Variants in VPS13A observed in about 807,000 individuals in gnomAD.
The protein encoded by VPS13A is vacuolar protein sorting 13 homolog A.
Under a neutral mutation model 390.9 loss-of-function variants are expected in VPS13A, and 264 were observed. That is an observed-to-expected ratio of 0.68 (90% confidence interval 0.61 to 0.75). The LOEUF (loss-of-function observed/expected upper bound fraction) is 0.75. Ranked by LOEUF, VPS13A falls within the 30% of genes least tolerant of loss-of-function variation. The pLI is 0.00. For missense variants in VPS13A, 3,409 were observed against 3,733.9 expected (o/e 0.91, Z 2.27); for synonymous variants, 1,231 against 1,227.1 (o/e 1.00, Z -0.07).
In VPS13A at chr9:77,205,312, G is replaced by T; in HGVS notation, c.188-1G>T. On this transcript the variant is annotated splice_acceptor_variant, in intron 3 of 71. Transcript: ENST00000360280. LOFTEE classifies it high-confidence loss of function. ...TTTTTTTTTTTCCCAAAAAAATGTA[G>T]GTAATCTTAAACTTATAATTCCATG... 2.0e-6 allele frequency: 3 copies of T among 1,467,952 alleles called. No homozygotes were observed. The highest frequency in any genetic ancestry group is 1.8e-6 in the Non-Finnish European group (2 of 1,087,902). The allele number at this position is 1,467,952 out of a possible 1,614,324, so 90.9% of individuals were successfully genotyped here. A position where few individuals can be genotyped will look rare whatever the true frequency, so the allele number is the denominator to read the frequency against.
At chr9:77,226,304 T>C (rs368037493) in intron 14 of VPS13A, among the ~76,000 whole-genome samples, 162 bp from the exon 15 acceptor site, 1 of 152,318 alleles carries the variant, frequency 6.6e-6, no homozygotes, top group African/African-American at 2.4e-5. Context: ...TAAATTCTTA[T>C]GTTCGACTAA....
chr9:77,271,339 T>G (rs1195891740), intron 23 of VPS13A, among the ~76,000 whole-genome samples: 2 of 152,174 alleles, frequency 1.3e-5, no homozygotes, highest in African/African-American at 4.8e-5. Flanking sequence ...GATTTAAAAC[T>G]CTCATATGTT....
At chr9:77,354,955 A>G (rs1831686643) in intron 54 of VPS13A, among the ~76,000 whole-genome samples, 1 of 152,108 alleles carries the variant, frequency 6.6e-6, no homozygotes, top group Admixed American at 6.6e-5. Flanking sequence ...TACCTACTTG[A>G]GGACATTGTT....
At chr9:77,226,875 G>T (rs11145345) in intron 15 of VPS13A, among the ~76,000 whole-genome samples, 1 of 152,080 alleles carries the variant, frequency 6.6e-6, no homozygotes, top group African/African-American at 2.4e-5. Flanking sequence ...ATTCCAAAGT[G>T]TTCTCCATTG....
chr9:77,319,805 T>G, intron 42 of VPS13A, 132 bp downstream of exon 42: 1 of 530,062 alleles, frequency 1.9e-6, no homozygotes, highest in Non-Finnish European at 3.3e-6. Context: ...TACCACCTAC[T>G]TCTGCACATG....
intron 68 of VPS13A, among the ~76,000 whole-genome samples, chr9:77,399,735 T>C (rs763065317): frequency 3.9e-5 from 6 of 152,204 alleles, no homozygotes; most frequent in Non-Finnish European, 8.8e-5. Context: ...AAAGCTTAAC[T>C]TCTGCCTCCA....
chr9:77,345,851 G>A (rs1379447972), intron 52 of VPS13A, among the ~76,000 whole-genome samples: 1 of 152,024 alleles, frequency 6.6e-6, no homozygotes, highest in East Asian at 1.9e-4. Context: ...GGGACCACAG[G>A]GCTGGACTAG....
At chr9:77,412,613 C>G (rs180790708) in intron 71 of VPS13A, among the ~76,000 whole-genome samples, 448 of 152,198 alleles carry the variant, frequency 2.9e-3, no homozygotes, top group African/African-American at 9.9e-3. Flanking sequence ...ATAATAAGAG[C>G]TATCTATGAC....
At chr9:77,390,029 C>T in intron 68 of VPS13A, 1 of 978,218 alleles carries the variant, frequency 1.0e-6, no homozygotes, top group Non-Finnish European at 1.2e-6. Flanking sequence ...CCGACGTGGT[C>T]TTTCCCTTTA....
At chr9:77,414,625 A>T (rs1219068288) in intron 71 of VPS13A, among the ~76,000 whole-genome samples, 1 of 151,988 alleles carries the variant, frequency 6.6e-6, no homozygotes, top group Non-Finnish European at 1.5e-5. Context: ...GCATTAGGAG[A>T]TATACCTAAT....
At chr9:77,266,125 G>T (rs1294349396) in intron 23 of VPS13A, among the ~76,000 whole-genome samples, 1 of 152,146 alleles carries the variant, frequency 6.6e-6, no homozygotes. Flanking sequence ...TTAATCCTGA[G>T]TTCTAACTGG....
At position 77,206,922 on chromosome 9, in the gene VPS13A, AT is replaced by A. The variant is rs750288219; in HGVS notation, c.385+844del. On this transcript the variant is annotated intron_variant, in intron 5 of 71. Transcript: ENST00000360280. The stretch of plus-strand genomic sequence containing the variant: ...TGGCAAACATTAATAGAGATTTAAC[AT>A]GTAATTCTTGGCAATATCTCTTGTA... Among the ~76,000 whole-genome samples, 13 of 152,094 alleles carry A rather than the reference AT, an allele frequency of 8.5e-5. No individual in the cohort carries two copies. In the East Asian group the frequency reaches 1.7e-3, roughly 20 times the overall value.
At chr9:77,340,697 C>A in intron 50 of VPS13A, 147 bp downstream of exon 50, 1 of 974,630 alleles carries the variant, frequency 1.0e-6, no homozygotes, top group Non-Finnish European at 1.5e-6. Flanking sequence ...TATTTGTGCC[C>A]TGCTCTAGAT....
chr9:77,291,929 A>G (rs774611112), intron 31 of VPS13A, among the ~76,000 whole-genome samples: 28 of 152,036 alleles, frequency 1.8e-4, no homozygotes, highest in Non-Finnish European at 3.8e-4. Context: ...GCAGAGGGAG[A>G]CCTCTAATCA....
At chr9:77,309,909 A>G (rs192842528) in intron 35 of VPS13A, among the ~76,000 whole-genome samples, 2 of 151,936 alleles carry the variant, frequency 1.3e-5, no homozygotes, top group East Asian at 1.9e-4. Flanking sequence ...AGGGACTTAG[A>G]AAAAAAATGA....
At chr9:77,407,410 T>A in intron 70 of VPS13A, 123 bp from the exon 71 acceptor site, 1 of 723,782 alleles carries the variant, frequency 1.4e-6, no homozygotes, top group South Asian at 1.8e-5. Context: ...TTGTCTTTTT[T>A]AAGGTGCATG....
intron 52 of VPS13A, among the ~76,000 whole-genome samples, chr9:77,348,631 A>G (rs1004071376): frequency 2.2e-4 from 34 of 152,172 alleles, no homozygotes. Flanking sequence ...AGGAAAAAAA[A>G]AAAGAAAAAT....
At chr9:77,360,709 G>A (rs1331335016) in intron 59 of VPS13A, 68 bp downstream of exon 59, 13 of 1,240,502 alleles carry the variant, frequency 1.0e-5, no homozygotes, top group Non-Finnish European at 1.4e-5. Context: ...AATTTTTAAA[G>A]GTATTAAAAT....
chr9:77,292,943 A>T (rs972173446), intron 31 of VPS13A, among the ~76,000 whole-genome samples: 2 of 152,196 alleles, frequency 1.3e-5, no homozygotes, highest in African/African-American at 4.8e-5. Context: ...TCAGGAATAG[A>T]TTTCAGTAAG....
Sources: gnomAD v4.1 joint callset for allele counts (sites outside exome capture counted in the v4.1 genomes callset) on GRCh38, gnomAD v4.1.1 for gene constraint, MANE v1.5 for transcripts, NCBI Gene and HGNC (gene_info 2026-07-23, HGNC 2026-07-21) for gene names.